The following AKT3 variants were observed in gnomAD, a reference collection of about 807,000 sequenced individuals.
The protein encoded by AKT3 is RAC-gamma serine/threonine-protein kinase.
In AKT3, 15 loss-of-function variants were observed where a neutral mutation model predicts 65.3. The observed-to-expected ratio is 0.23, with a 90% CI of 0.15 to 0.35. The LOEUF (loss-of-function observed/expected upper bound fraction) is 0.35, where lower values mean the gene tolerates loss of function less well. AKT3 is among the 10% of genes least tolerant of loss of function. The probability of loss-of-function intolerance (pLI) is 1.00; values close to 1 mark genes in which losing one functional copy is unlikely to be tolerated. For synonymous variants in AKT3, 206 were observed against 183.8 expected, an observed-to-expected ratio of 1.12 and a Z score of -0.98; for missense variants, 243 against 576.5, an observed-to-expected ratio of 0.42 and a Z score of 5.92.
chr1:243,758,132 C>T (rs989723104), intron 2 of AKT3, among the ~76,000 whole-genome samples: 18 of 152,122 alleles, frequency 1.2e-4, no homozygotes, highest in African/African-American at 4.3e-4. Flanking sequence ...ATTCACTTGA[C>T]AAATATTAAG....
chr1:243,760,563 T>C (rs1034712265), intron 2 of AKT3, among the ~76,000 whole-genome samples: 3 of 152,190 alleles, frequency 2.0e-5, no homozygotes, highest in African/African-American at 7.2e-5. Flanking sequence ...CTGGGTGCTT[T>C]AGGGGTCATT....
At chr1:243,526,159 T>C (rs181549411) in intron 12 of AKT3, among the ~76,000 whole-genome samples, 10 of 152,070 alleles carry the variant, frequency 6.6e-5, no homozygotes, top group African/African-American at 1.2e-4. Context: ...TTCATGTCCA[T>C]AGGACAGTAA....
Position 243,817,776 on chromosome 1 carries a change from A to C in AKT3, c.46+25349T>G, listed in dbSNP as rs76511162. 4.8e-3 allele frequency among the ~76,000 whole-genome samples: 736 copies of C among 152,268 alleles called. 9 individuals are homozygous for C. Among genetic ancestry groups the C allele is most frequent in the African/African-American group, 0.017 (698 of 41,558 alleles). On this transcript the variant is annotated intron_variant, in intron 2 of 13. Transcript: ENST00000673466. ...AAGCAAACAAACAAACAGTCTGAAA[A>C]CCCAGCTTGTTTCAAAAACCTGGCT...
chr1:243,772,211 C>T (rs1327804860), intron 2 of AKT3, among the ~76,000 whole-genome samples: 2 of 152,100 alleles, frequency 1.3e-5, no homozygotes, highest in African/African-American at 4.8e-5. Context: ...AACTAAAGAG[C>T]TTCTGCACAG....
intron 2 of AKT3, among the ~76,000 whole-genome samples, chr1:243,706,439 G>A (rs1044507719): frequency 6.6e-6 from 1 of 152,134 alleles, no homozygotes; most frequent in Non-Finnish European, 1.5e-5. Context: ...CTCTCAGGTG[G>A]TTCAACCCAC....
intron 2 of AKT3, among the ~76,000 whole-genome samples, chr1:243,722,096 T>C: frequency 6.6e-6 from 1 of 152,178 alleles, no homozygotes; most frequent in African/African-American, 2.4e-5. Context: ...GTCATTAAAA[T>C]TTACACAGCT....
intron 12 of AKT3, among the ~76,000 whole-genome samples, chr1:243,527,948 G>A (rs1182306599): frequency 6.7e-6 from 1 of 149,642 alleles, no homozygotes; most frequent in African/African-American, 2.5e-5. Flanking sequence ...GAGAGAGAGA[G>A]AGAGAGAGAG....
At chr1:243,591,566 G>A (rs1297151602) in intron 8 of AKT3, among the ~76,000 whole-genome samples, 1 of 152,004 alleles carries the variant, frequency 6.6e-6, no homozygotes. Flanking sequence ...ATAATCAGGA[G>A]ACTAATCAAT....
Position 243,817,924 on chromosome 1 carries a change from C to A in AKT3, c.46+25201G>T, listed in dbSNP as rs138244544. 3.3e-5 allele frequency: 5 copies of A among 152,308 alleles called. No homozygotes were observed. The East Asian group carries it at 9.6e-4, about 29-fold the overall frequency. 9.4% of individuals were successfully genotyped at this position (152,308 alleles called of 1,614,324 possible). ...AGATAAATGCTAAATTGTAATATTGCATCTTCAAATTTTATTGACATCTAT... is the reference window on the plus strand; with the variant it reads ...AGATAAATGCTAAATTGTAATATTGAATCTTCAAATTTTATTGACATCTAT... On this transcript the variant is annotated intron_variant, in intron 2 of 13. Coordinates refer to ENST00000673466, the MANE Select transcript of AKT3 (RefSeq NM_005465.7).
At chr1:243,551,067 G>A (rs889625587) in intron 11 of AKT3, among the ~76,000 whole-genome samples, 23 of 150,324 alleles carry the variant, frequency 1.5e-4, no homozygotes, top group African/African-American at 5.1e-4. Flanking sequence ...GCTATCAAAC[G>A]GAACACATTT....
intron 2 of AKT3, among the ~76,000 whole-genome samples, chr1:243,802,781 T>G (rs897444287): frequency 6.6e-6 from 1 of 152,062 alleles, no homozygotes; most frequent in Non-Finnish European, 1.5e-5. Flanking sequence ...ACCAAAAGAG[T>G]TAGGACTAAA....
intron 2 of AKT3, among the ~76,000 whole-genome samples, chr1:243,779,313 A>C (rs1690760435): frequency 6.6e-6 from 1 of 152,070 alleles, no homozygotes. Flanking sequence ...ACCGTCTCTA[A>C]AGTTTGTAGG....
intron 12 of AKT3, among the ~76,000 whole-genome samples, chr1:243,523,260 A>AACACACACAC (rs547403507): frequency 0.01 from 1,292 of 126,494 alleles, 18 homozygotes; most frequent in South Asian, 0.018. Flanking sequence ...AAAAAGGACG[A>AACACACACAC]ACACACACAC....
At chr1:243,614,988 G>A in intron 7 of AKT3, 108 bp downstream of exon 7, 1 of 833,598 alleles carries the variant, frequency 1.2e-6, no homozygotes. Flanking sequence ...TTTCCACAAA[G>A]AAAATGAGAT....
At chr1:243,787,332 G>C (rs1457040955) in intron 2 of AKT3, among the ~76,000 whole-genome samples, 1 of 152,044 alleles carries the variant, frequency 6.6e-6, no homozygotes, top group Non-Finnish European at 1.5e-5. Flanking sequence ...AAATTAACTA[G>C]ATCTACAAGG....
At chr1:243,710,360 C>T (rs1163537725) in intron 2 of AKT3, among the ~76,000 whole-genome samples, 2 of 152,074 alleles carry the variant, frequency 1.3e-5, no homozygotes, top group Non-Finnish European at 2.9e-5. Context: ...TAACACTTAA[C>T]TATCTGTCTA....
At chr1:243,566,971 ATAATTTATTTTAAG>A (rs1284758937) in intron 9 of AKT3, among the ~76,000 whole-genome samples, 1 of 152,182 alleles carries the variant, frequency 6.6e-6, no homozygotes, top group Non-Finnish European at 1.5e-5. Context: ...TCAATATGCA[ATAATTTATTTTAAG>A]TAACAAAACA....
At chr1:243,493,334 C>T (rs1053761980) in intron 13 of AKT3, among the ~76,000 whole-genome samples, 1 of 152,044 alleles carries the variant, frequency 6.6e-6, no homozygotes, top group African/African-American at 2.4e-5. Flanking sequence ...AGCCTGGGGG[C>T]TCTAACATCT....
chr1:243,679,010 CTT>C (rs1683727669), intron 3 of AKT3, among the ~76,000 whole-genome samples: 1 of 152,134 alleles, frequency 6.6e-6, no homozygotes, highest in Non-Finnish European at 1.5e-5. Context: ...AACGCCTTCT[CTT>C]TCTCCTCCTC....
Sources: allele counts gnomAD v4.1 joint callset (sites outside exome capture counted in the v4.1 genomes callset), GRCh38; gene constraint gnomAD v4.1.1; transcripts MANE v1.5; gene names NCBI Gene and HGNC (gene_info 2026-07-23, HGNC 2026-07-21).